Variants in GABRB3 observed in about 807,000 individuals in gnomAD.
GABRB3 encodes gamma-aminobutyric acid type A receptor subunit beta3, also known as gamma-aminobutyric acid receptor subunit beta-3.
Under a neutral mutation model 52.1 loss-of-function variants are expected in GABRB3, and 14 were observed. That is an observed-to-expected ratio of 0.27 (90% CI 0.18 to 0.42). The LOEUF (loss-of-function observed/expected upper bound fraction) is 0.42, where lower values mean the gene tolerates loss of function less well. GABRB3 is among the 10% of genes least tolerant of loss of function. GABRB3 has a pLI of 1.00. For synonymous variants in GABRB3, 260 were observed against 232.3 expected, an observed-to-expected ratio of 1.12 and a Z score of -1.08; for missense variants, 307 against 609.1, an observed-to-expected ratio of 0.50 and a Z score of 5.22.
intron 3 of GABRB3, 28 bp downstream of exon 3, chr15:26,772,374 G>A (rs1224761757): frequency 6.3e-7 from 1 of 1,589,836 alleles, no homozygotes; most frequent in East Asian, 2.3e-5. Context: ...GGGGGCTCAG[G>A]GACCGCCCTG....
Position 26,715,266 on chromosome 15 carries a change from TGA to T in GABRB3, c.240+57134_240+57135del, listed in dbSNP as rs763213047. Among the ~76,000 whole-genome samples, 6 of 152,226 alleles carry T rather than the reference TGA, an allele frequency of 3.9e-5. No individual in the cohort carries two copies. The East Asian group carries it at 9.7e-4, about 25-fold the overall frequency. ...GGTGATTGAAGAGGTCAGAAAAATCTGAGAGACAGCAGAAAAACCAATTATTC... is the reference window on the plus strand; with the variant it reads ...GGTGATTGAAGAGGTCAGAAAAATCTGAGACAGCAGAAAAACCAATTATTC... On this transcript the variant is annotated intron_variant, in intron 3 of 8. Coordinates refer to ENST00000311550, the MANE Select transcript of GABRB3 (RefSeq NM_000814.6).
chr15:26,606,789 T>TATAGATAGATAG (rs1555370507), intron 4 of GABRB3, among the ~76,000 whole-genome samples: 2 of 122,776 alleles, frequency 1.6e-5, no homozygotes, highest in Admixed American at 1.7e-4. Context: ...TAGATATATC[T>TATAGATAGATAG]ATAGATAGAT....
At chr15:26,717,130 C>T (rs1343254784) in intron 3 of GABRB3, among the ~76,000 whole-genome samples, 2 of 147,626 alleles carry the variant, frequency 1.4e-5, no homozygotes, top group Admixed American at 6.7e-5. Flanking sequence ...CGCCCAATGA[C>T]AGCCCAGCTC....
chr15:26,652,490 A>G (rs1362581258), intron 3 of GABRB3, among the ~76,000 whole-genome samples: 3 of 152,234 alleles, frequency 2.0e-5, no homozygotes, highest in Admixed American at 6.5e-5. Flanking sequence ...CCAAAGAAAA[A>G]TCACATGAAT....
intron 8 of GABRB3, among the ~76,000 whole-genome samples, chr15:26,554,041 T>TTATATATATATATATATATTTA (rs1555400774): frequency 1.6e-5 from 1 of 62,104 alleles, no homozygotes; most frequent in Non-Finnish European, 3.2e-5. Context: ...ATATATTTAT[T>TTATATATATATATATATATTTA]TATTTATATT....
chr15:26,590,033 C>T (rs909078705), intron 4 of GABRB3, among the ~76,000 whole-genome samples: 13 of 152,146 alleles, frequency 8.5e-5, no homozygotes, highest in Admixed American at 3.9e-4. Flanking sequence ...AGAACCTCCA[C>T]GGGGTCACCG....
intron 3 of GABRB3, among the ~76,000 whole-genome samples, chr15:26,695,732 A>C (rs1224251255): frequency 6.6e-6 from 1 of 152,200 alleles, no homozygotes; most frequent in Non-Finnish European, 1.5e-5. Flanking sequence ...CTAACAAATA[A>C]CTGTTCAAAA....
intron 4 of GABRB3, among the ~76,000 whole-genome samples, chr15:26,589,431 C>T (rs866064887): frequency 3.3e-5 from 5 of 152,280 alleles, no homozygotes; most frequent in Middle Eastern, 3.4e-3. Flanking sequence ...CAGCAATGCA[C>T]ACAATCTCTT....
At chr15:26,725,664 C>A (rs1664945347) in intron 3 of GABRB3, among the ~76,000 whole-genome samples, 2 of 152,054 alleles carry the variant, frequency 1.3e-5, no homozygotes, top group African/African-American at 4.8e-5. Flanking sequence ...ATAAGAGTTT[C>A]AAATTTGGAG....
intron 8 of GABRB3, among the ~76,000 whole-genome samples, chr15:26,559,179 G>A (rs1324038700): frequency 6.6e-6 from 1 of 152,214 alleles, no homozygotes; most frequent in Non-Finnish European, 1.5e-5. Flanking sequence ...CTCATGAATT[G>A]TTGAGCACCA....
chr15:26,621,384 C>T lies in GABRB3; in HGVS notation c.391G>A (p.Val131Met), dbSNP rs766542639. ...TYFLNDKKSF[V>M]HGVTVKNRMI... Reference sequence around the variant, plus strand: ...CGGTTTTTCACTGTCACTCCATGCACAAATGACTTTTTGTCATTTAAGAAA... The same window carrying T: ...CGGTTTTTCACTGTCACTCCATGCATAAATGACTTTTTGTCATTTAAGAAA... Residue 131 changes from valine (V) to methionine (M), a missense_variant, in exon 4 of 9, where the codon GTG (valine) becomes ATG (methionine). By Grantham distance (21) the Val-to-Met change is conservative. Coordinates refer to ENST00000311550, the MANE Select transcript of GABRB3 (RefSeq NM_000814.6). The surrounding 1 kb of genome is among the most constrained non-coding windows in gnomAD (Gnocchi z 4.1). 6.2e-7 allele frequency: 1 copy of T among 1,614,160 alleles called. No individual in the cohort carries two copies.
intron 3 of GABRB3, among the ~76,000 whole-genome samples, chr15:26,643,622 CTG>C (rs57144395): frequency 0.33 from 49,646 of 149,004 alleles, 9,148 homozygotes; most frequent in East Asian, 0.82. Flanking sequence ...TTTCATGACA[CTG>C]TGTGTGTGTG....
intron 3 of GABRB3, among the ~76,000 whole-genome samples, chr15:26,687,124 G>A (rs567043098): frequency 3.0e-4 from 45 of 152,328 alleles, no homozygotes; most frequent in African/African-American, 4.1e-4. Flanking sequence ...GTTCTGACTC[G>A]TGTCTTCCTC....
intron 4 of GABRB3, among the ~76,000 whole-genome samples, chr15:26,586,662 G>A (rs540354892): frequency 3.6e-5 from 4 of 111,552 alleles, no homozygotes; most frequent in South Asian, 5.9e-4. Flanking sequence ...CAGCCTGGGC[G>A]ACAAAGTGAG....
At chr15:26,719,961 T>C (rs1889598862) in intron 3 of GABRB3, among the ~76,000 whole-genome samples, 1 of 152,204 alleles carries the variant, frequency 6.6e-6, no homozygotes. Context: ...CTGAAGTCAC[T>C]GAAGAATCAC....
At chr15:26,697,654 T>C (rs970122545) in intron 3 of GABRB3, among the ~76,000 whole-genome samples, 3 of 151,936 alleles carry the variant, frequency 2.0e-5, no homozygotes, top group African/African-American at 7.3e-5. Flanking sequence ...TCAGAGAGAG[T>C]GTGCAAAAAG....
At chr15:26,759,971 A>C (rs907431155) in intron 3 of GABRB3, among the ~76,000 whole-genome samples, 1 of 152,230 alleles carries the variant, frequency 6.6e-6, no homozygotes, top group Admixed American at 6.5e-5. Context: ...AGACCAAAAA[A>C]ACTGATGCAA....
intron 3 of GABRB3, among the ~76,000 whole-genome samples, chr15:26,768,838 A>G (rs568552086): frequency 6.6e-6 from 1 of 152,356 alleles, no homozygotes; most frequent in Non-Finnish European, 1.5e-5. Context: ...AGAAACATTA[A>G]AAGATTTAGA....
intron 3 of GABRB3, among the ~76,000 whole-genome samples, chr15:26,666,077 T>C (rs1441340336): frequency 1.3e-5 from 2 of 152,204 alleles, no homozygotes; most frequent in Admixed American, 6.5e-5. Context: ...CTTTTTAGCC[T>C]GAAGCCACTG....
Sources: gnomAD v4.1 joint callset for allele counts (sites outside exome capture counted in the v4.1 genomes callset) on GRCh38, gnomAD v4.1.1 for gene constraint, Gnocchi (gnomAD v3.1) non-coding constraint, MANE v1.5 for transcripts, NCBI Gene and HGNC (gene_info 2026-07-23, HGNC 2026-07-21) for gene names.